PCDHA3: variants seen among roughly 807,000 people sequenced by gnomAD.
PCDHA3 encodes the protein protocadherin alpha-3.
A neutral mutation model predicts 62.2 loss-of-function variants in PCDHA3; 41 were observed. That is an observed-to-expected ratio of 0.66 (90% CI 0.51 to 0.86). The LOEUF is 0.86. Among genes scored for constraint, PCDHA3 ranks in the 40% least tolerant of loss-of-function variants. PCDHA3 has a pLI of 0.00. For missense variants in PCDHA3, 1,304 were observed against 1,241.2 expected, an observed-to-expected ratio of 1.05 and a Z score of -0.76; for synonymous variants, 640 against 555.4, an observed-to-expected ratio of 1.15 and a Z score of -2.14.
intron 1 of PCDHA3, chr5:140,816,193 T>G (rs1765862162): frequency 6.6e-6 from 1 of 152,218 alleles, no homozygotes; most frequent in Non-Finnish European, 1.5e-5. Context: ...TTTACTCTCT[T>G]TCATTTCTTG....
intron 1 of PCDHA3, 176 bp downstream of exon 1, chr5:140,803,767 C>A: frequency 1.8e-6 from 2 of 1,087,654 alleles, no homozygotes; most frequent in Non-Finnish European, 2.6e-6. Flanking sequence ...AATTTTTGAA[C>A]CAAATCAGCA....
intron 1 of PCDHA3, chr5:140,884,130 C>T (rs1554181258): frequency 3.1e-6 from 5 of 1,613,434 alleles, no homozygotes; most frequent in Non-Finnish European, 3.4e-6. Flanking sequence ...GCGCGCATCC[C>T]GTTCCGCGTG....
chr5:140,951,210 G>C (rs541010152), intron 1 of PCDHA3, among the ~76,000 whole-genome samples: 4 of 151,862 alleles, frequency 2.6e-5, no homozygotes, highest in African/African-American at 9.7e-5. Flanking sequence ...TGTCATCTCA[G>C]GTTTGGATTC....
At chr5:140,958,796 T>C (rs2095443333) in intron 1 of PCDHA3, among the ~76,000 whole-genome samples, 2 of 152,182 alleles carry the variant, frequency 1.3e-5, no homozygotes, top group Admixed American at 6.5e-5. Context: ...TCTAGTAAAT[T>C]ATCACACCAT....
At position 140,863,735 on chromosome 5, in the gene PCDHA3, C is replaced by T. The variant is rs189909313; in HGVS notation, c.2394+60144C>T. On this transcript the variant is annotated intron_variant, in intron 1 of 3. Transcript: ENST00000522353. ...TGGGGCCGGGTGCGGTAGCTCATGC[C>T]TATTTGTAATCCCGGCACTTTGGGA... The T allele has an allele frequency of 4.8e-3, 1,219 of 255,524 alleles. 5 individuals are homozygous for T. Among genetic ancestry groups the T allele is most frequent in the Non-Finnish European group, 6.2e-3 (808 of 129,746 alleles). The allele number at this position is 255,524 out of a possible 1,614,324, so 15.8% of individuals were successfully genotyped here. A position where few individuals can be genotyped will look rare whatever the true frequency, so the allele number is the denominator to read the frequency against.
At chr5:140,876,455 C>T (rs1554168573) in intron 1 of PCDHA3, 1 of 1,613,874 alleles carries the variant, frequency 6.2e-7, no homozygotes, top group African/African-American at 1.3e-5. Flanking sequence ...AAAGGGATTC[C>T]TTCCATGGCA....
rs190430510 is a variant in PCDHA3, at chr5:140,858,745, C to G, written c.2394+55154C>G. ...TTCTGACGATTTACTTTCATAATCACTTTTCGTTACAAATATTTGTGAGAT... is the reference window on the plus strand; with the variant it reads ...TTCTGACGATTTACTTTCATAATCAGTTTTCGTTACAAATATTTGTGAGAT... On this transcript the variant is annotated intron_variant, in intron 1 of 3. Coordinates refer to ENST00000522353, the MANE Select transcript of PCDHA3 (RefSeq NM_018906.3). 215 of 461,666 alleles carry G rather than the reference C, an allele frequency of 4.7e-4. 2 individuals are homozygous for G. In the East Asian group the frequency reaches 5.3e-3, roughly 11 times the overall value. The allele number at this position is 461,666 out of a possible 1,614,324, so 28.6% of individuals were successfully genotyped here.
chr5:140,870,315 C>T, intron 1 of PCDHA3: 1 of 1,614,234 alleles, frequency 6.2e-7, no homozygotes, highest in Non-Finnish European at 8.5e-7. Context: ...AGAATTACTA[C>T]TCGTTGGTGC....
At chr5:140,965,861 T>C (rs971753310) in intron 1 of PCDHA3, among the ~76,000 whole-genome samples, 3 of 152,192 alleles carry the variant, frequency 2.0e-5, no homozygotes, top group African/African-American at 7.2e-5. Flanking sequence ...ACACTGAAAA[T>C]AAGGGCCACT....
intron 1 of PCDHA3, chr5:140,841,422 C>T: frequency 6.2e-7 from 1 of 1,612,994 alleles, no homozygotes; most frequent in East Asian, 2.2e-5. Context: ...CTCCACTACT[C>T]CGTCCCCGAG....
At chr5:140,807,918 G>T (rs1554124343) in intron 1 of PCDHA3, 1 of 1,614,094 alleles carries the variant, frequency 6.2e-7, no homozygotes, top group Admixed American at 1.7e-5. Context: ...GCTTTTGACA[G>T]AACCATTTAT....
intron 1 of PCDHA3, chr5:140,854,253 A>C: frequency 1.3e-5 from 8 of 620,086 alleles, no homozygotes; most frequent in Non-Finnish European, 1.6e-5. Flanking sequence ...CACTTGGTAT[A>C]AAATGTACAT....
intron 1 of PCDHA3, among the ~76,000 whole-genome samples, chr5:140,961,327 AGAGACCAAGAGTG>A (rs1375426442): frequency 6.6e-6 from 1 of 152,206 alleles, no homozygotes. Context: ...CTGTTTCTTG[AGAGACCAAGAGTG>A]GATCCCTGTA....
chr5:140,804,311 TTAATACTACTTTAA>T (rs1397795365), intron 1 of PCDHA3: 3 of 152,106 alleles, frequency 2.0e-5, no homozygotes, highest in African/African-American at 7.2e-5. Context: ...ACTACTTTAT[TTAATACTACTTTAA>T]TAATACTACT....
Position 140,826,963 on chromosome 5 carries a change from G to T in PCDHA3, c.2394+23372G>T, listed in dbSNP as rs1769130641. Among the ~76,000 whole-genome samples, 3 of 152,092 alleles carry T rather than the reference G, an allele frequency of 2.0e-5. No individual in the cohort carries two copies. The South Asian group carries it at 6.2e-4, about 32-fold the overall frequency. ...GTGGAATAAGGCAAGCCAGGGAAAA[G>T]GAGTAATTTAAAAAGTAATATAGGT... On this transcript the variant is annotated intron_variant, in intron 1 of 3. Transcript: ENST00000522353.
intron 1 of PCDHA3, among the ~76,000 whole-genome samples, chr5:140,976,253 T>G (rs1554237440): frequency 6.6e-6 from 1 of 152,124 alleles, no homozygotes; most frequent in Non-Finnish European, 1.5e-5. Context: ...TAAATTTATT[T>G]AAAACACAGA....
intron 1 of PCDHA3, chr5:140,803,943 G>T (rs539392067): frequency 5.3e-6 from 2 of 377,022 alleles, no homozygotes; most frequent in Admixed American, 4.4e-5. Flanking sequence ...CCTATACAAT[G>T]CTTCTTCAAT....
rs2098421039 is a variant in PCDHA3, at chr5:141,011,549, G to GA, written c.*1615dup. 1 of 153,674 alleles carries GA rather than the reference G, an allele frequency of 6.5e-6. No individual in the cohort carries two copies. The highest frequency in any genetic ancestry group is 1.5e-5 in the Non-Finnish European group (1 of 68,008). The allele number at this position is 153,674 out of a possible 1,614,324, so 9.5% of individuals were successfully genotyped here. A position where few individuals can be genotyped will look rare whatever the true frequency, so the allele number is the denominator to read the frequency against. Reference sequence around the variant, plus strand: ...CCATTGTTAATCAGCTTTTGTGTATGAAAGACACAGTAAAATTTCTTTCTT... The same window carrying GA: ...CCATTGTTAATCAGCTTTTGTGTATGAAAAGACACAGTAAAATTTCTTTCTT... On this transcript the variant is annotated 3_prime_UTR_variant, in exon 4 of 4. Coordinates refer to ENST00000522353, the MANE Select transcript of PCDHA3 (RefSeq NM_018906.3).
Position 140,823,277 on chromosome 5 carries a change from G to A in PCDHA3, c.2394+19686G>A, listed in dbSNP as rs2150124312. 41 of 1,612,320 alleles carry A rather than the reference G, an allele frequency of 2.5e-5. 1 individual carries two copies. In the East Asian group the frequency reaches 8.7e-4, roughly 34 times the overall value. On this transcript the variant is annotated intron_variant, in intron 1 of 3. Transcript: ENST00000522353. ...CTGGTGGAGCGGCGGGTGGGCGAGC[G>A]CCCGCTGTCGAGTTACGTTTCGGTG...
Sources: allele counts gnomAD v4.1 joint callset (sites outside exome capture counted in the v4.1 genomes callset), GRCh38; gene constraint gnomAD v4.1.1; transcripts MANE v1.5; gene names NCBI Gene and HGNC (gene_info 2026-07-23, HGNC 2026-07-21).